Variants in ZNF782 observed in about 807,000 individuals in gnomAD.
ZNF782 encodes zinc finger protein 782.
A neutral mutation model predicts 13.0 loss-of-function variants in ZNF782; 12 were observed. That is an observed-to-expected ratio of 0.92 (90% CI 0.59 to 1.50). ZNF782 has a LOEUF of 1.50. ZNF782 is among the 40% of genes most tolerant of loss of function. ZNF782 has a pLI of 0.00. For synonymous variants in ZNF782, 284 were observed against 283.0 expected (o/e 1.00, Z -0.04); for missense variants, 770 against 822.9 (o/e 0.94, Z 0.79).
chr9:96,889,834 T>A, the ZNF782 span: 2 of 152,254 alleles, frequency 1.3e-5, no homozygotes, highest in African/African-American at 4.8e-5. Flanking sequence ...GTATATTTAA[T>A]CTCAACAAAG....
In ZNF782 at chr9:96,854,189, C is replaced by G. The variant is rs1410206208; in HGVS notation, c.-363G>C. Reference sequence around the variant, plus strand: ...GCGTTACAAATGCGCTTTCCCCACCCCCGCCGCCGCTCGCGCCGGGCTCCG... The same window carrying G: ...GCGTTACAAATGCGCTTTCCCCACCGCCGCCGCCGCTCGCGCCGGGCTCCG... On this transcript the variant is annotated 5_prime_UTR_variant, in exon 1 of 6. Transcript: ENST00000481138. The G allele has an allele frequency of 6.6e-6, 1 of 152,396 alleles. No individual in the cohort carries two copies. The highest frequency in any genetic ancestry group is 1.5e-5 in the Non-Finnish European group (1 of 68,198). The allele number at this position is 152,396 out of a possible 1,614,324, so 9.4% of individuals were successfully genotyped here.
chr9:96,912,797 G>A, the ZNF782 span, among the ~76,000 whole-genome samples: 1 of 151,494 alleles, frequency 6.6e-6, no homozygotes, highest in Non-Finnish European at 1.5e-5. Flanking sequence ...AATGTGCTGG[G>A]GTTACAGGCG....
In ZNF782 at chr9:96,817,834, G is replaced by A; in HGVS notation, c.*89C>T. ...TAGAGGAAATTCCAGTGCTCACTAT[G>A]TTAACAGTTCTCTCCTGTGTGTTCA... On this transcript the variant is annotated 3_prime_UTR_variant, in exon 6 of 6. Coordinates refer to ENST00000481138, the MANE Select transcript of ZNF782 (RefSeq NM_001001662.3). 2 of 1,178,256 alleles carry A rather than the reference G, an allele frequency of 1.7e-6. No individual in the cohort carries two copies. Among genetic ancestry groups the A allele is most frequent in the Non-Finnish European group, 2.4e-6 (2 of 845,748 alleles). 73.0% of individuals were successfully genotyped at this position (1,178,256 alleles called of 1,614,324 possible).
At chr9:96,853,673 G>A (rs1023694576) in intron 1 of ZNF782, among the ~76,000 whole-genome samples, 2 of 152,212 alleles carry the variant, frequency 1.3e-5, no homozygotes, top group African/African-American at 4.8e-5. Flanking sequence ...TCCACTCCCT[G>A]AGTATTTGGG....
intron 4 of ZNF782, among the ~76,000 whole-genome samples, chr9:96,835,394 A>G (rs1161917386): frequency 6.6e-6 from 1 of 152,224 alleles, no homozygotes; most frequent in Admixed American, 6.5e-5. Flanking sequence ...ACTGCTTGCT[A>G]AAGAGATTAG....
intron 4 of ZNF782, among the ~76,000 whole-genome samples, chr9:96,834,996 A>G (rs1850941663): frequency 6.6e-6 from 1 of 152,264 alleles, no homozygotes; most frequent in Non-Finnish European, 1.5e-5. Context: ...TGCTAGAAAT[A>G]TGACAGTAGA....
the ZNF782 span, among the ~76,000 whole-genome samples, chr9:96,906,296 C>G: frequency 0.18 from 21,624 of 120,638 alleles, 3,920 homozygotes; most frequent in African/African-American, 0.5. Context: ...TAAGTAACCA[C>G]CTCTGCAGCA....
chr9:96,902,508 G>A, the ZNF782 span, among the ~76,000 whole-genome samples: 1 of 127,614 alleles, frequency 7.8e-6, no homozygotes, highest in Non-Finnish European at 1.6e-5. Flanking sequence ...GTAGAGCTTT[G>A]CTGAGCCTGT....
the ZNF782 span, chr9:96,888,057 T>A: frequency 6.8e-6 from 1 of 147,090 alleles, no homozygotes; most frequent in Non-Finnish European, 1.5e-5. Context: ...TTTGGAGATA[T>A]ACCTAATGTT....
intron 5 of ZNF782, among the ~76,000 whole-genome samples, chr9:96,821,826 G>A (rs757911678): frequency 3.3e-5 from 5 of 151,930 alleles, no homozygotes; most frequent in East Asian, 3.9e-4. Flanking sequence ...CACCATACCC[G>A]GCTAATTTTT....
chr9:96,883,996 G>A, the ZNF782 span, among the ~76,000 whole-genome samples: 3 of 152,320 alleles, frequency 2.0e-5, no homozygotes, highest in South Asian at 2.1e-4. Flanking sequence ...GATGGGCTAT[G>A]AATAGAAAAG....
chr9:96,917,887 C>CGTGTGTGTGTGTGTGTGTGT, the ZNF782 span, among the ~76,000 whole-genome samples: 104 of 121,712 alleles, frequency 8.5e-4, 6 homozygotes, highest in African/African-American at 3.4e-3. Flanking sequence ...CCACCCTTGG[C>CGTGTGTGTGTGTGTGTGTGT]GTGTGTGTGT....
intron 3 of ZNF782, among the ~76,000 whole-genome samples, chr9:96,848,840 GAA>G: frequency 6.6e-6 from 1 of 152,126 alleles, no homozygotes; most frequent in East Asian, 1.9e-4. Flanking sequence ...AATTCATACG[GAA>G]TAAAAAAGAG....
chr9:96,914,103 A>T, the ZNF782 span, among the ~76,000 whole-genome samples: 1 of 151,288 alleles, frequency 6.6e-6, no homozygotes, highest in African/African-American at 2.4e-5. Flanking sequence ...CATTATTATT[A>T]TTTTTTTGGG....
At chr9:96,829,268 TC>T (rs932239327) in intron 4 of ZNF782, among the ~76,000 whole-genome samples, 1 of 152,064 alleles carries the variant, frequency 6.6e-6, no homozygotes, top group Non-Finnish European at 1.5e-5. Context: ...AATATACTTT[TC>T]TCATTCTTGG....
In ZNF782 at chr9:96,866,623, G is replaced by T. The variant is rs183354929; in HGVS notation, c.-456-5020C>A. Reference sequence around the variant, plus strand: ...CGCCTTGTGGAGCTATGAGAAGAGGGCCACCATCCTTCAGACCCCAGAATG... The same window carrying T: ...CGCCTTGTGGAGCTATGAGAAGAGGTCCACCATCCTTCAGACCCCAGAATG... On this transcript the variant is annotated intron_variant, in intron 1 of 5. Coordinates refer to the ZNF782 transcript ENST00000498811. Among the ~76,000 whole-genome samples the T allele has an allele frequency of 3.1e-4, 47 of 152,274 alleles. No homozygotes were observed. The East Asian group carries it at 8.9e-3, about 29-fold the overall frequency.
intron 4 of ZNF782, among the ~76,000 whole-genome samples, chr9:96,837,037 A>C: frequency 6.6e-6 from 1 of 152,176 alleles, no homozygotes; most frequent in East Asian, 1.9e-4. Flanking sequence ...TAAATTACCC[A>C]GTCTCAGGTA....
At chr9:96,911,614 G>A in the ZNF782 span, among the ~76,000 whole-genome samples, 1 of 146,762 alleles carries the variant, frequency 6.8e-6, no homozygotes, top group African/African-American at 2.5e-5. Flanking sequence ...TCTGCCTCCC[G>A]GGTTCAAGCC....
chr9:96,896,535 G>A, the ZNF782 span, among the ~76,000 whole-genome samples: 2 of 152,076 alleles, frequency 1.3e-5, no homozygotes, highest in African/African-American at 2.4e-5. Flanking sequence ...TCTAGTGGTC[G>A]AGATATCCCT....
Sources: allele counts gnomAD v4.1 joint callset (sites outside exome capture counted in the v4.1 genomes callset), GRCh38; gene constraint gnomAD v4.1.1; transcripts MANE v1.5; gene names NCBI Gene and HGNC (gene_info 2026-07-23, HGNC 2026-07-21).